The following PPP1R2 variants were observed in gnomAD, a reference collection of about 807,000 sequenced individuals.
PPP1R2 encodes protein phosphatase inhibitor 2.
Under a neutral mutation model 29.9 loss-of-function variants are expected in PPP1R2, and 16 were observed. That is an observed-to-expected ratio of 0.53 (90% CI 0.36 to 0.81). The LOEUF is 0.81. Among genes scored for constraint, PPP1R2 ranks in the 30% least tolerant of loss-of-function variants. The pLI, the probability that PPP1R2 is intolerant of heterozygous loss-of-function variation, is 0.00. For synonymous variants in PPP1R2, 76 were observed against 91.5 expected (o/e 0.83, Z 0.96); for missense variants, 197 against 252.7 (o/e 0.78, Z 1.49).
intron 1 of PPP1R2, among the ~76,000 whole-genome samples, chr3:195,539,853 C>T (rs1050014574): frequency 6.6e-6 from 1 of 152,086 alleles, no homozygotes; most frequent in Admixed American, 6.5e-5. Context: ...TTTATATAAA[C>T]CTCACTTTAA....
chr3:195,523,845 C>T (rs1221455413), intron 3 of PPP1R2, 59 bp from the exon 4 acceptor site: 1 of 1,343,282 alleles, frequency 7.4e-7, no homozygotes, highest in Non-Finnish European at 1.1e-6. Context: ...ATTTAAGCGC[C>T]TTATTCAACT....
rs1577559799 is a variant in PPP1R2, at chr3:195,516,840, A to C, written c.*56T>G. ...AATTGTGAAGAACAAGAAGCAACGT[A>C]CTATAGTCACAGGGTTTACATCTAA... is the stretch of plus-strand genomic sequence containing the variant. On this transcript the variant is annotated 3_prime_UTR_variant, in exon 6 of 6. Coordinates refer to ENST00000618156, the MANE Select transcript of PPP1R2 (RefSeq NM_006241.8). The C allele has an allele frequency of 2.7e-6, 4 of 1,470,868 alleles. No homozygotes were observed. In the East Asian group the frequency reaches 9.1e-5, roughly 33 times the overall value. The allele number at this position is 1,470,868 out of a possible 1,614,324, so 91.1% of individuals were successfully genotyped here.
chr3:195,540,824 G>A (rs1025792528), intron 1 of PPP1R2, among the ~76,000 whole-genome samples: 1 of 152,112 alleles, frequency 6.6e-6, no homozygotes, highest in Admixed American at 6.5e-5. Flanking sequence ...CAAGCCTCCA[G>A]AACCGTAAGA....
intron 1 of PPP1R2, among the ~76,000 whole-genome samples, chr3:195,530,625 A>G (rs915234360): frequency 1.3e-5 from 2 of 150,936 alleles, no homozygotes; most frequent in East Asian, 4.6e-4. Flanking sequence ...TTCCCTGTTC[A>G]TGCGCTTCCC....
At position 195,529,804 on chromosome 3, in the gene PPP1R2, G is replaced by C; in HGVS notation, c.220C>G (p.Pro74Ala). ...TCTACGTAACATTACCTATGGTAAG[G>C]AGTGCTTGGTTCATCTATTTTCATT... ...GLMKIDEPST[P>A]YHSMMGDDED... The change falls in exon 2 of 6, where the codon CCT becomes GCT. Residue 74 changes from proline (P) to alanine (A), a missense_variant. By Grantham distance (27) the Pro-to-Ala change is conservative (BLOSUM62 -1). Around this residue, in one of 3 missense-constraint regions of PPP1R2, gnomAD observed 135 missense variants for 163.0 expected, o/e 0.83. Transcript: ENST00000618156. 1.9e-6 allele frequency: 3 copies of C among 1,596,076 alleles called. No homozygotes were observed. The highest frequency in any genetic ancestry group is 2.6e-6 in the Non-Finnish European group (3 of 1,170,914).
intron 1 of PPP1R2, among the ~76,000 whole-genome samples, chr3:195,534,778 C>T (rs1719314168): frequency 6.6e-6 from 1 of 152,186 alleles, no homozygotes; most frequent in African/African-American, 2.4e-5. Context: ...ACTGCAGCCT[C>T]GAACTCCTGG....
Position 195,524,989 on chromosome 3 carries a change from C to T in PPP1R2, c.231-93G>A, listed in dbSNP as rs78541037. ...AAAACAATTCCATCAACCTACTTAA[C>T]ATATCAATATATTTATAGCTCTGTT... On this transcript the variant is annotated intron_variant, in intron 2 of 5. Transcript: ENST00000618156. 4,853 of 993,622 alleles carry T rather than the reference C, an allele frequency of 4.9e-3. 154 individuals are homozygous for T. The African/African-American group carries it at 0.068, about 14-fold the overall frequency. 61.6% of individuals were successfully genotyped at this position (993,622 alleles called of 1,614,324 possible).
intron 5 of PPP1R2, among the ~76,000 whole-genome samples, chr3:195,518,422 C>A (rs533107499): frequency 6.6e-6 from 1 of 151,982 alleles, no homozygotes; most frequent in African/African-American, 2.4e-5. Context: ...GAGGCCGAGG[C>A]GGGCGGATCA....
chr3:195,525,236 C>T (rs947674629), intron 2 of PPP1R2, among the ~76,000 whole-genome samples: 3 of 152,082 alleles, frequency 2.0e-5, no homozygotes, highest in Non-Finnish European at 4.4e-5. Flanking sequence ...TTTTTCTTAT[C>T]ATTATTCCCT....
chr3:195,526,877 G>A (rs1006140224), intron 2 of PPP1R2, among the ~76,000 whole-genome samples: 3 of 152,136 alleles, frequency 2.0e-5, no homozygotes, highest in Non-Finnish European at 4.4e-5. Flanking sequence ...TGCCTCCCAG[G>A]TTCAAGTGAT....
At chr3:195,522,260 G>C (rs1007565048) in intron 4 of PPP1R2, among the ~76,000 whole-genome samples, 3 of 152,198 alleles carry the variant, frequency 2.0e-5, no homozygotes, top group Admixed American at 2.0e-4. Context: ...CACAAACTTA[G>C]GTTTGTCTGT....
chr3:195,532,197 ATTTTTC>A (rs1451669121), intron 1 of PPP1R2, among the ~76,000 whole-genome samples: 15 of 131,894 alleles, frequency 1.1e-4, no homozygotes, highest in African/African-American at 3.4e-4. Context: ...TGCCCAGCTA[ATTTTTC>A]TTTTTCTTTT....
At chr3:195,521,084 G>A (rs1457586197) in intron 4 of PPP1R2, among the ~76,000 whole-genome samples, 1 of 152,074 alleles carries the variant, frequency 6.6e-6, no homozygotes, top group Non-Finnish European at 1.5e-5. Flanking sequence ...GGGAGGCCGA[G>A]GAGGGCGGAT....
chr3:195,534,365 T>C (rs1719295090), intron 1 of PPP1R2, among the ~76,000 whole-genome samples: 1 of 152,156 alleles, frequency 6.6e-6, no homozygotes, highest in Non-Finnish European at 1.5e-5. Context: ...ACATCTGATC[T>C]GCCTGTACAG....
chr3:195,526,534 G>A (rs973155802), intron 2 of PPP1R2, among the ~76,000 whole-genome samples: 2 of 152,072 alleles, frequency 1.3e-5, no homozygotes, highest in African/African-American at 2.4e-5. Flanking sequence ...TAACTTTTCT[G>A]GTTATTTGAA....
chr3:195,522,537 T>C (rs1173718873), intron 4 of PPP1R2, among the ~76,000 whole-genome samples: 1 of 152,204 alleles, frequency 6.6e-6, no homozygotes, highest in Non-Finnish European at 1.5e-5. Context: ...AGATCATGTT[T>C]TTAGAGAGTA....
At chr3:195,531,218 C>G (rs541968694) in intron 1 of PPP1R2, among the ~76,000 whole-genome samples, 2 of 152,308 alleles carry the variant, frequency 1.3e-5, no homozygotes, top group East Asian at 3.9e-4. Context: ...ATTTTAAATG[C>G]TTACATACTC....
intron 3 of PPP1R2, 103 bp downstream of exon 3, chr3:195,524,716 C>T (rs960653160): frequency 9.4e-7 from 1 of 1,059,450 alleles, no homozygotes; most frequent in East Asian, 2.5e-5. Context: ...TGATCAACAG[C>T]CTTTTCTTCC....
intron 5 of PPP1R2, among the ~76,000 whole-genome samples, chr3:195,518,812 T>C (rs549169415): frequency 6.6e-6 from 1 of 152,268 alleles, no homozygotes; most frequent in Admixed American, 6.5e-5. Flanking sequence ...ATAAAACATA[T>C]GGTCTAAAAT....
Sources: gnomAD v4.1 joint callset for allele counts (sites outside exome capture counted in the v4.1 genomes callset) on GRCh38, gnomAD v4.1.1 for gene constraint, gnomAD v4.1.1 regional missense constraint, MANE v1.5 for transcripts, NCBI Gene and HGNC (gene_info 2026-07-23, HGNC 2026-07-21) for gene names.